Variants in ABHD2 observed in about 807,000 individuals in gnomAD.
ABHD2 encodes monoacylglycerol lipase ABHD2.
ABHD2 carries 20 observed loss-of-function variants against 48.1 expected under a neutral mutation model. The ratio of observed to expected loss-of-function variants is 0.42; its 90% confidence interval spans 0.29 to 0.60. The LOEUF is 0.60. Among genes scored for constraint, ABHD2 ranks in the 20% least tolerant of loss-of-function variants. ABHD2 has a pLI of 0.24. For missense variants in ABHD2, 405 were observed against 550.9 expected, an observed-to-expected ratio of 0.74 and a Z score of 2.65; for synonymous variants, 209 against 214.2, an observed-to-expected ratio of 0.98 and a Z score of 0.21.
chr15:89,077,339 T>C, the ABHD2 span, among the ~76,000 whole-genome samples: 1 of 152,286 alleles, frequency 6.6e-6, no homozygotes, highest in South Asian at 2.1e-4. Flanking sequence ...TGCTGCATAG[T>C]ATTCCATTGA....
intron 1 of ABHD2, among the ~76,000 whole-genome samples, chr15:89,093,187 T>A (rs1901667085): frequency 6.9e-6 from 1 of 145,262 alleles, no homozygotes; most frequent in African/African-American, 2.5e-5. Context: ...TTTTTTTTTT[T>A]TTTTTTTTTT....
At chr15:89,192,560 A>T (rs2051325239) in intron 9 of ABHD2, among the ~76,000 whole-genome samples, 1 of 149,218 alleles carries the variant, frequency 6.7e-6, no homozygotes, top group South Asian at 2.1e-4. Context: ...CCCAGGCTAG[A>T]GTGCGGTGGC....
chr15:89,193,665 C>T (rs924570271), intron 10 of ABHD2, among the ~76,000 whole-genome samples: 2 of 152,086 alleles, frequency 1.3e-5, no homozygotes, highest in African/African-American at 2.4e-5. Flanking sequence ...ATTTAAAATT[C>T]GAGACTAGGT....
At chr15:89,148,065 G>A (rs1024786548) in intron 3 of ABHD2, among the ~76,000 whole-genome samples, 1 of 136,836 alleles carries the variant, frequency 7.3e-6, no homozygotes, top group East Asian at 2.3e-4. Flanking sequence ...GTAGCAGTGA[G>A]CCGAGATCGC....
chr15:89,196,971 A>C lies in ABHD2; in HGVS notation c.*1548A>C, dbSNP rs982243786. On this transcript the variant is annotated 3_prime_UTR_variant, in exon 11 of 11. Transcript: ENST00000352732. ...AAAATTGCCTGGATACTTTAAAAAG[A>C]TATTTTTCCTCCTTCATCTCCTTTG... 6.6e-6 allele frequency: 1 copy of C among 152,624 alleles called. No individual in the cohort carries two copies. The highest frequency in any genetic ancestry group is 1.5e-5 in the Non-Finnish European group (1 of 68,050). The allele number at this position is 152,624 out of a possible 1,614,324, so 9.5% of individuals were successfully genotyped here.
In ABHD2 at chr15:89,182,934, A is replaced by G. The variant is rs1482822808; in HGVS notation, c.723-2490A>G. 4.6e-5 allele frequency among the ~76,000 whole-genome samples: 7 copies of G among 152,292 alleles called. No individual in the cohort carries two copies. In the South Asian group the frequency reaches 1.4e-3, roughly 32 times the overall value. ...CCCAGTGTAGCCACTACCAGCTCCA[A>G]TAACATGAATTCATACCCCCATCTT... is the stretch of plus-strand genomic sequence containing the variant. On this transcript the variant is annotated intron_variant, in intron 6 of 10. Transcript: ENST00000352732. The surrounding 1 kb of genome is among the most constrained non-coding windows in gnomAD (Gnocchi z 4.8).
In ABHD2 at chr15:89,103,475, T is replaced by C. The variant is rs148783587; in HGVS notation, c.-106-10250T>C. 3.0e-3 allele frequency among the ~76,000 whole-genome samples: 450 copies of C among 152,338 alleles called. 3 individuals are homozygous for C. The highest frequency in any genetic ancestry group is 0.01 in the African/African-American group (432 of 41,572). On this transcript the variant is annotated intron_variant, in intron 1 of 10. Coordinates refer to ENST00000352732, the MANE Select transcript of ABHD2 (RefSeq NM_152924.5). Reference sequence around the variant, plus strand: ...GTTTAGATAATTCACCCAAGGTCACTTGGCAGAATCTGGAATCAAACGCAG... The same window carrying C: ...GTTTAGATAATTCACCCAAGGTCACCTGGCAGAATCTGGAATCAAACGCAG...
chr15:89,055,493 C>T, the ABHD2 span, among the ~76,000 whole-genome samples: 2 of 151,818 alleles, frequency 1.3e-5, no homozygotes, highest in Non-Finnish European at 2.9e-5. Flanking sequence ...CCATCATGCT[C>T]AGCTAATTTT....
chr15:89,154,403 TAAAGA>T (rs1174314802), intron 4 of ABHD2, among the ~76,000 whole-genome samples: 2 of 152,216 alleles, frequency 1.3e-5, no homozygotes, highest in Admixed American at 1.3e-4. Context: ...TCTTTTCTTT[TAAAGA>T]AAAGTATGTA....
At chr15:89,068,547 T>C in the ABHD2 span, among the ~76,000 whole-genome samples, 3 of 152,110 alleles carry the variant, frequency 2.0e-5, no homozygotes, top group East Asian at 5.8e-4. Context: ...CTCCATGTGT[T>C]CTCTCCACAC....
At chr15:89,051,137 G>A in the ABHD2 span, among the ~76,000 whole-genome samples, 1,177 of 152,290 alleles carry the variant, frequency 7.7e-3, 12 homozygotes, top group African/African-American at 0.027. Flanking sequence ...GGAGGCTGAG[G>A]CAGGAGAATT....
rs2051019068 is a variant in ABHD2 at position 89,176,668 on chromosome 15, TCACA to T, written c.722+680_722+683del. Among the ~76,000 whole-genome samples the T allele has an allele frequency of 6.6e-6, 1 of 152,050 alleles. No individual in the cohort carries two copies. The highest frequency in any genetic ancestry group is 1.5e-5 in the Non-Finnish European group (1 of 67,990). On this transcript the variant is annotated intron_variant, in intron 6 of 10. Transcript: ENST00000352732. The surrounding 1 kb of genome is among the most constrained non-coding windows in gnomAD (Gnocchi z 4.5). ...CTCAAGAGTCACCACACTCACACGT[TCACA>T]CACACATGCACACACTCACACTATA...
chr15:89,077,970 G>C, the ABHD2 span, among the ~76,000 whole-genome samples: 1 of 152,126 alleles, frequency 6.6e-6, no homozygotes, highest in South Asian at 2.1e-4. Flanking sequence ...TCCCTTTCTA[G>C]TAATGATGTC....
chr15:89,179,498 T>C lies in ABHD2; in HGVS notation c.722+3503T>C, dbSNP rs2051072732. 6.6e-6 allele frequency among the ~76,000 whole-genome samples: 1 copy of C among 152,222 alleles called. No individual in the cohort carries two copies. Among genetic ancestry groups the C allele is most frequent in the Non-Finnish European group, 1.5e-5 (1 of 68,040 alleles). On this transcript the variant is annotated intron_variant, in intron 6 of 10. Transcript: ENST00000352732. This position sits in a 1 kb window ranked among gnomAD's most constrained non-coding sequence, Gnocchi z 4.3. Reference sequence around the variant, plus strand: ...AATCTAATATCTGATGATCTGTCGCTGTCTCCCATCACCCCCAGATGGGAC... The same window carrying C: ...AATCTAATATCTGATGATCTGTCGCCGTCTCCCATCACCCCCAGATGGGAC...
upstream of ABHD2, among the ~76,000 whole-genome samples, chr15:89,084,165 G>A (rs1000221): frequency 0.034 from 4,956 of 145,924 alleles, 279 homozygotes; most frequent in African/African-American, 0.12. This position sits in a 1 kb window ranked among gnomAD's most constrained non-coding sequence, Gnocchi z 4.4. Context: ...AACCATATTC[G>A]AAAGGAAAAG....
the ABHD2 span, among the ~76,000 whole-genome samples, chr15:89,047,764 ATACTT>A: frequency 6.8e-6 from 1 of 148,066 alleles, no homozygotes; most frequent in Non-Finnish European, 1.5e-5. Flanking sequence ...ATCTTCCTCC[ATACTT>A]TTATTTTGAG....
chr15:89,109,704 C>A (rs927241598), intron 1 of ABHD2, among the ~76,000 whole-genome samples: 6 of 152,048 alleles, frequency 3.9e-5, no homozygotes, highest in African/African-American at 1.4e-4. Context: ...AAAAAGAATA[C>A]CATAAAACAA....
In ABHD2 at chr15:89,186,587, G is replaced by A. The variant is rs979420435; in HGVS notation, c.815+1071G>A. Among the ~76,000 whole-genome samples, 2 of 152,056 alleles carry A rather than the reference G, an allele frequency of 1.3e-5. No homozygotes were observed. The highest frequency in any genetic ancestry group is 4.8e-5 in the African/African-American group (2 of 41,410). Reference sequence around the variant, plus strand: ...ATCTCAATTCTCCTGCTTCTGTGAAGCCAACTCATCCATGCCCAAGTTGCT... The same window carrying A: ...ATCTCAATTCTCCTGCTTCTGTGAAACCAACTCATCCATGCCCAAGTTGCT... On this transcript the variant is annotated intron_variant, in intron 7 of 10. Coordinates refer to ENST00000352732, the MANE Select transcript of ABHD2 (RefSeq NM_152924.5). This position sits in a 1 kb window ranked among gnomAD's most constrained non-coding sequence, Gnocchi z 4.3.
rs777726516 is a variant in ABHD2, at chr15:89,188,881, AT to A, written c.926+580del. Among the ~76,000 whole-genome samples, 2 of 130,676 alleles carry A rather than the reference AT, an allele frequency of 1.5e-5. No homozygotes were observed. Among genetic ancestry groups the A allele is most frequent in the African/African-American group, 5.2e-5 (2 of 38,272 alleles). 85.7% of individuals were successfully genotyped at this position (130,676 alleles called of 152,430 possible). A position where few individuals can be genotyped will look rare whatever the true frequency, so the allele number is the denominator to read the frequency against. ...GTGACACAGCAAGACCCTTCTCAAA[AT>A]TAAAAAAAAAAAAAAAGAAGTAGAA... is the stretch of plus-strand genomic sequence containing the variant. On this transcript the variant is annotated intron_variant, in intron 8 of 10. Transcript: ENST00000352732. The surrounding 1 kb of genome is among the most constrained non-coding windows in gnomAD (Gnocchi z 4.1).
Sources: gnomAD v4.1 joint callset for allele counts (sites outside exome capture counted in the v4.1 genomes callset) on GRCh38, gnomAD v4.1.1 for gene constraint, Gnocchi (gnomAD v3.1) non-coding constraint, MANE v1.5 for transcripts, NCBI Gene and HGNC (gene_info 2026-07-23, HGNC 2026-07-21) for gene names.